CGNL1: variants seen among roughly 807,000 people sequenced by gnomAD.
The protein encoded by CGNL1 is cingulin like 1.
CGNL1 carries 132 observed loss-of-function variants against 141.2 expected under a neutral mutation model. The observed-to-expected ratio is 0.93, with a 90% CI of 0.81 to 1.08. The LOEUF is 1.08. Ranked by LOEUF, CGNL1 falls within the 50% of genes least tolerant of loss-of-function variation. CGNL1 has a pLI of 0.00. For missense variants in CGNL1, 1,870 were observed against 1,588.6 expected, an observed-to-expected ratio of 1.18 and a Z score of -3.01; for synonymous variants, 690 against 622.1, an observed-to-expected ratio of 1.11 and a Z score of -1.63.
At chr15:57,455,142 C>A (rs1394266739) in intron 7 of CGNL1, among the ~76,000 whole-genome samples, 1 of 152,090 alleles carries the variant, frequency 6.6e-6, no homozygotes, top group Non-Finnish European at 1.5e-5. Flanking sequence ...GAAGATAAAC[C>A]ACAATATATT....
Position 57,442,383 on chromosome 15 carries a change from A to G in CGNL1, c.1708A>G (p.Asn570Asp). Reference sequence around the variant, plus strand: ...CTGTCCCTTTTTCAGAAGCACTGATAATGACGATGCTACTAAAAGGAAAGT... The same window carrying G: ...CTGTCCCTTTTTCAGAAGCACTGATGATGACGATGCTACTAAAAGGAAAGT... ...YNYLKEGSTD[N>D]DDATKRKVNL... The change falls in exon 4 of 19, where the codon AAT becomes GAT. Residue 570 changes from asparagine to aspartate, a missense_variant. Physicochemically the swap from Asn to Asp is conservative, Grantham distance 23. Transcript: ENST00000281282. 1.2e-6 allele frequency: 2 copies of G among 1,610,034 alleles called. No homozygotes were observed. Among genetic ancestry groups the G allele is most frequent in the East Asian group, 2.2e-5 (1 of 44,820 alleles).
rs1329416206 is a variant in CGNL1 at position 57,451,695 on chromosome 15, AT to A, written c.1905+102del. The A allele has an allele frequency of 8.1e-4, 673 of 827,778 alleles. No individual in the cohort carries two copies. The African/African-American group carries it at 8.3e-3, about 10-fold the overall frequency. The allele number at this position is 827,778 out of a possible 1,614,324, so 51.3% of individuals were successfully genotyped here. ...ATTGGGATAACCAGAGTGAAAGCCA[AT>A]TTTTTTTCCCCCAAAAGAAACATTC... is the stretch of plus-strand genomic sequence containing the variant. On this transcript the variant is annotated intron_variant, in intron 5 of 18. Coordinates refer to ENST00000281282, the MANE Select transcript of CGNL1 (RefSeq NM_032866.5).
chr15:57,447,588 C>T (rs1384001942), intron 4 of CGNL1, among the ~76,000 whole-genome samples: 1 of 152,020 alleles, frequency 6.6e-6, no homozygotes, highest in Non-Finnish European at 1.5e-5. Context: ...CTATGACGTG[C>T]CTAAGAGTGG....
intron 8 of CGNL1, among the ~76,000 whole-genome samples, chr15:57,479,992 T>TGAGA (rs750063750): frequency 1.3e-5 from 2 of 152,140 alleles, no homozygotes; most frequent in Non-Finnish European, 2.9e-5. Flanking sequence ...TTATGCCAGG[T>TGAGA]GAGATTTCTG....
intron 14 of CGNL1, among the ~76,000 whole-genome samples, chr15:57,537,406 G>T (rs1169462234): frequency 6.6e-6 from 1 of 152,000 alleles, no homozygotes; most frequent in Non-Finnish European, 1.5e-5. Flanking sequence ...CGTCTTTGCA[G>T]TTGTGAGTGA....
Position 57,461,742 on chromosome 15 carries a change from C to A in CGNL1, c.2253C>A (p.Asp751Glu). The A allele has an allele frequency of 6.2e-7, 1 of 1,614,136 alleles. No individual in the cohort carries two copies. Among genetic ancestry groups the A allele is most frequent in the Non-Finnish European group, 8.5e-7 (1 of 1,180,026 alleles). Residue 751 changes from aspartate to glutamate, a missense_variant, in exon 8 of 19, where the codon GAC (aspartate) becomes GAA (glutamate). Asp to Glu is a conservative substitution (Grantham distance 45). Transcript: ENST00000281282. The part of the protein sequence containing the change: ...DLLIAKEEQE[D>E]LLRKRERELT... Reference sequence around the variant, plus strand: ...TGATTGCCAAAGAGGAGCAAGAAGACCTCTTGAGAAAGCGAGAGCGTGAAC... The same window carrying A: ...TGATTGCCAAAGAGGAGCAAGAAGAACTCTTGAGAAAGCGAGAGCGTGAAC...
At chr15:57,442,870 T>G (rs1450183750) in intron 4 of CGNL1, among the ~76,000 whole-genome samples, 2 of 152,200 alleles carry the variant, frequency 1.3e-5, no homozygotes, top group African/African-American at 4.8e-5. Flanking sequence ...CCACTCACGT[T>G]GGCCTCCCAA....
intron 1 of CGNL1, among the ~76,000 whole-genome samples, chr15:57,395,471 C>A (rs189221883): frequency 2.4e-4 from 36 of 152,322 alleles, no homozygotes; most frequent in African/African-American, 8.4e-4. Flanking sequence ...TGCTGTGATT[C>A]GCGTTATGCA....
chr15:57,505,008 G>A (rs1200874008), intron 8 of CGNL1, among the ~76,000 whole-genome samples: 1 of 151,942 alleles, frequency 6.6e-6, no homozygotes, highest in East Asian at 1.9e-4. Flanking sequence ...CTCCCACTCT[G>A]TCTGTCCCAG....
intron 8 of CGNL1, among the ~76,000 whole-genome samples, chr15:57,475,772 G>A (rs2063648014): frequency 6.6e-6 from 1 of 151,940 alleles, no homozygotes; most frequent in African/African-American, 2.4e-5. Flanking sequence ...TGCCCTAGTG[G>A]TCTCCCTGCT....
At chr15:57,412,065 T>C (rs1211642862) in intron 1 of CGNL1, among the ~76,000 whole-genome samples, 1 of 152,232 alleles carries the variant, frequency 6.6e-6, no homozygotes, top group African/African-American at 2.4e-5. Flanking sequence ...CAGGTTTGGA[T>C]TGACTTCCTT....
intron 8 of CGNL1, among the ~76,000 whole-genome samples, chr15:57,516,062 A>G (rs796394519): frequency 6.0e-5 from 9 of 151,178 alleles, no homozygotes; most frequent in African/African-American, 1.2e-4. Context: ...GGGAGGCTGA[A>G]GCAGGAGAAT....
At chr15:57,493,139 T>C (rs1248996344) in intron 8 of CGNL1, among the ~76,000 whole-genome samples, 2 of 152,212 alleles carry the variant, frequency 1.3e-5, no homozygotes, top group Non-Finnish European at 2.9e-5. Context: ...AGATAGTGAG[T>C]TTATGATTTC....
chr15:57,515,676 C>G (rs1049888374), intron 8 of CGNL1, among the ~76,000 whole-genome samples: 4 of 152,266 alleles, frequency 2.6e-5, no homozygotes, highest in South Asian at 2.1e-4. Context: ...GAATACAAAG[C>G]CCCTGTGACC....
intron 9 of CGNL1, among the ~76,000 whole-genome samples, chr15:57,517,933 T>G (rs1351278881): frequency 1.3e-5 from 2 of 151,896 alleles, no homozygotes; most frequent in African/African-American, 4.8e-5. Flanking sequence ...AAACTGTGTG[T>G]GTGGGGGTCC....
intron 1 of CGNL1, among the ~76,000 whole-genome samples, chr15:57,388,484 G>C (rs528867023): frequency 6.6e-6 from 1 of 152,168 alleles, no homozygotes; most frequent in African/African-American, 2.4e-5. Flanking sequence ...TCCTCCCTCC[G>C]GGGTTCTGTT....
intron 1 of CGNL1, among the ~76,000 whole-genome samples, chr15:57,413,166 C>CTTCTTTCT (rs371303154): frequency 8.8e-4 from 133 of 151,194 alleles, no homozygotes; most frequent in African/African-American, 3.0e-3. Flanking sequence ...CCTTCTTCTC[C>CTTCTTTCT]TTCTTTCTTT....
chr15:57,458,391 C>T (rs893353462), intron 7 of CGNL1, among the ~76,000 whole-genome samples: 1 of 152,196 alleles, frequency 6.6e-6, no homozygotes, highest in Admixed American at 6.5e-5. Context: ...TCAAGTGCTA[C>T]TAAGTGATAT....
At chr15:57,459,606 G>A (rs1165611662) in intron 7 of CGNL1, among the ~76,000 whole-genome samples, 1 of 152,210 alleles carries the variant, frequency 6.6e-6, no homozygotes, top group East Asian at 1.9e-4. Context: ...GTAGGTGAGA[G>A]CCTGGATGCG....
Sources: gnomAD v4.1 joint callset for allele counts (sites outside exome capture counted in the v4.1 genomes callset) on GRCh38, gnomAD v4.1.1 for gene constraint, MANE v1.5 for transcripts, NCBI Gene and HGNC (gene_info 2026-07-23, HGNC 2026-07-21) for gene names.